The following ZBTB46 variants were observed in gnomAD, a reference collection of about 807,000 sequenced individuals.
The protein encoded by ZBTB46 is zinc finger and BTB domain-containing protein 46.
In ZBTB46, 8 loss-of-function variants were observed where a neutral mutation model predicts 44.1. The observed-to-expected ratio is 0.18, with a 90% CI of 0.11 to 0.33. The LOEUF (loss-of-function observed/expected upper bound fraction) is 0.33, where lower values mean the gene tolerates loss of function less well. Ranked by LOEUF, ZBTB46 falls within the 10% of genes least tolerant of loss-of-function variation. The pLI is 1.00. For missense variants in ZBTB46, 651 were observed against 847.7 expected, an observed-to-expected ratio of 0.77 and a Z score of 2.88; for synonymous variants, 409 against 382.3, an observed-to-expected ratio of 1.07 and a Z score of -0.81.
rs112801669 is a variant in ZBTB46 at position 63,764,625 on chromosome 20, G to A, written c.1222+11053C>T. Among the ~76,000 whole-genome samples, 483 of 149,750 alleles carry A rather than the reference G, an allele frequency of 3.2e-3. 3 individuals carry two copies. Among genetic ancestry groups the A allele is most frequent in the African/African-American group, 0.012 (475 of 40,808 alleles). Reference sequence around the variant, plus strand: ...TCTCTGTTTTTTTTTTTTTTGAGACGGAGTTTCGCTCTTGTTGCCCATGCT... The same window carrying A: ...TCTCTGTTTTTTTTTTTTTTGAGACAGAGTTTCGCTCTTGTTGCCCATGCT... On this transcript the variant is annotated intron_variant, in intron 3 of 4. Transcript: ENST00000245663.
At chr20:63,777,606 A>G (rs144701193) in intron 2 of ZBTB46, among the ~76,000 whole-genome samples, 19 of 152,334 alleles carry the variant, frequency 1.2e-4, no homozygotes, top group African/African-American at 4.6e-4. Flanking sequence ...AGGTACAGGA[A>G]TCACCACGGG....
At chr20:63,773,518 C>A (rs142252418) in intron 3 of ZBTB46, among the ~76,000 whole-genome samples, 2,007 of 152,218 alleles carry the variant, frequency 0.013, 45 homozygotes, top group South Asian at 0.088. Flanking sequence ...GGGGTCCCTG[C>A]CCTGAATGAG....
At chr20:63,762,230 A>C (rs6010646) in intron 3 of ZBTB46, among the ~76,000 whole-genome samples, 78,120 of 152,082 alleles carry the variant, frequency 0.51, 21,064 homozygotes, top group African/African-American at 0.66. Context: ...GTGTTCAAAT[A>C]TTCTCTATCC....
At chr20:63,808,088 G>A (rs2092693259) in intron 1 of ZBTB46, 1 of 153,106 alleles carries the variant, frequency 6.5e-6, no homozygotes, top group Non-Finnish European at 1.5e-5. Context: ...GAAGCTGAAC[G>A]GACCGACGGA....
chr20:63,756,990 C>A (rs1028273279), intron 3 of ZBTB46, among the ~76,000 whole-genome samples: 4 of 152,200 alleles, frequency 2.6e-5, no homozygotes, highest in African/African-American at 9.6e-5. Context: ...TTGGGCATGC[C>A]CTGGCGGGGA....
chr20:63,760,027 A>AAGTACC (rs2092259909), intron 3 of ZBTB46, among the ~76,000 whole-genome samples: 2 of 152,132 alleles, frequency 1.3e-5, no homozygotes, highest in East Asian at 3.8e-4. Flanking sequence ...GTCTCACTGG[A>AAGTACC]TTCAATTTGC....
At chr20:63,769,503 C>G (rs2092349007) in intron 3 of ZBTB46, 5 of 944,302 alleles carry the variant, frequency 5.3e-6, no homozygotes, top group Non-Finnish European at 6.3e-6. Context: ...GGTGATGCCC[C>G]AAGGGTCTCG....
At chr20:63,753,757 T>C (rs191175797) in intron 3 of ZBTB46, among the ~76,000 whole-genome samples, 23 of 152,386 alleles carry the variant, frequency 1.5e-4, no homozygotes, top group Admixed American at 3.3e-4. Context: ...CTGGGATTTT[T>C]AACTACACAG....
rs2069940106 is a variant in ZBTB46, at chr20:63,803,207, ACCAGCAGGAACCAGGCACCTCC to A, written c.-33-12439_-33-12418del. ...TGGGCACCATCCCCCAGGGCGCCTC[ACCAGCAGGAACCAGGCACCTCC>A]CCTCACACCAAGGCGTTCATGGTTT... On this transcript the variant is annotated intron_variant, in intron 1 of 4. Transcript: ENST00000245663. The surrounding 1 kb of genome is among the most constrained non-coding windows in gnomAD (Gnocchi z 4.0). 1 of 714,170 alleles carries A rather than the reference ACCAGCAGGAACCAGGCACCTCC, an allele frequency of 1.4e-6. No homozygotes were observed. The highest frequency in any genetic ancestry group is 1.9e-5 in the African/African-American group (1 of 51,640). 44.2% of individuals were successfully genotyped at this position (714,170 alleles called of 1,614,324 possible). A position where few individuals can be genotyped will look rare whatever the true frequency, so the allele number is the denominator to read the frequency against.
chr20:63,756,530 A>T (rs2092221832), intron 3 of ZBTB46, among the ~76,000 whole-genome samples: 1 of 152,222 alleles, frequency 6.6e-6, no homozygotes, highest in African/African-American at 2.4e-5. Context: ...TCTGTGTTAG[A>T]ATGTGATGAA....
intron 2 of ZBTB46, among the ~76,000 whole-genome samples, chr20:63,776,207 G>A (rs776417959): frequency 5.3e-5 from 8 of 152,340 alleles, no homozygotes; most frequent in Middle Eastern, 6.8e-3. Context: ...TTTGGAGGAC[G>A]GCTCAACTCA....
Position 63,790,311 on chromosome 20 carries a change from C to T in ZBTB46, c.447G>A (p.Ser149=), listed in dbSNP as rs142933849. ...DELAEFEIGA[S]SSSSTEALIS... is the part of the protein sequence containing the mutation. ...TGAGAGCTTCCGTGCTGCTGCTGGA[C>T]GAGGCGCCGATCTCGAACTCCGCAA... Residue 149 remains serine (S), a synonymous_variant, in exon 2 of 5, where the codon TCG becomes TCA. Transcript: ENST00000245663. 2.0e-5 allele frequency: 32 copies of T among 1,613,028 alleles called. No homozygotes were observed. The highest frequency in any genetic ancestry group is 1.6e-4 in the South Asian group (15 of 91,026).
At chr20:63,773,535 C>T (rs551246696) in intron 3 of ZBTB46, among the ~76,000 whole-genome samples, 4 of 152,114 alleles carry the variant, frequency 2.6e-5, no homozygotes, top group Non-Finnish European at 4.4e-5. Context: ...TGAGTGTATA[C>T]GACGGTCTGA....
rs1436729219 is a variant in ZBTB46, at chr20:63,787,770, G to C, written c.937+2051C>G. On this transcript the variant is annotated intron_variant, in intron 2 of 4. Transcript: ENST00000245663. This position sits in a 1 kb window ranked among gnomAD's most constrained non-coding sequence, Gnocchi z 4.6. ...CATTTGAAAATGGTTAAAATGGTAA[G>C]GTTTACATTATGTATGTTCTACCAC... The C allele has an allele frequency of 6.6e-6, 1 of 152,236 alleles. No individual in the cohort carries two copies. Among genetic ancestry groups the C allele is most frequent in the Non-Finnish European group, 1.5e-5 (1 of 68,030 alleles). 9.4% of individuals were successfully genotyped at this position (152,236 alleles called of 1,614,324 possible).
At chr20:63,783,045 A>G (rs2092483467) in intron 2 of ZBTB46, among the ~76,000 whole-genome samples, 1 of 152,056 alleles carries the variant, frequency 6.6e-6, no homozygotes, top group Non-Finnish European at 1.5e-5. Flanking sequence ...TGGGAGGATC[A>G]CCTGAGCCCA....
In ZBTB46 at chr20:63,790,947, G is replaced by A; in HGVS notation, c.-33-157C>T. ...TCCACAGGTGTGCAGCGGGAGGCCT[G>A]TGTCTCCGCCTGAAGCAGGGCAGCA... On this transcript the variant is annotated intron_variant, in intron 1 of 4. Transcript: ENST00000245663. 3 of 1,078,812 alleles carry A rather than the reference G, an allele frequency of 2.8e-6. No individual in the cohort carries two copies. In the East Asian group the frequency reaches 8.0e-5, roughly 29 times the overall value. 66.8% of individuals were successfully genotyped at this position (1,078,812 alleles called of 1,614,324 possible).
chr20:63,820,436 T>C (rs2092785353), intron 1 of ZBTB46, among the ~76,000 whole-genome samples: 1 of 149,342 alleles, frequency 6.7e-6, no homozygotes, highest in African/African-American at 2.5e-5. Context: ...GTATATTATA[T>C]ATATATATTT....
intron 1 of ZBTB46, among the ~76,000 whole-genome samples, chr20:63,830,384 G>T (rs1029161098): frequency 6.6e-6 from 1 of 151,126 alleles, no homozygotes; most frequent in Non-Finnish European, 1.5e-5. Flanking sequence ...CGCTTCCTCC[G>T]CGCGCCCCGT....
chr20:63,795,876 G>A (rs980531812), intron 1 of ZBTB46, among the ~76,000 whole-genome samples: 4 of 152,170 alleles, frequency 2.6e-5, no homozygotes, highest in African/African-American at 4.8e-5. Context: ...TGGAAGTGGC[G>A]GTGCCCATCC....
Sources: gnomAD v4.1 joint callset for allele counts (sites outside exome capture counted in the v4.1 genomes callset) on GRCh38, gnomAD v4.1.1 for gene constraint, Gnocchi (gnomAD v3.1) non-coding constraint, MANE v1.5 for transcripts, NCBI Gene and HGNC (gene_info 2026-07-23, HGNC 2026-07-21) for gene names.